DCDC1: variants seen among roughly 807,000 people sequenced by gnomAD.
DCDC1 encodes the protein doublecortin domain-containing protein 1.
Under a neutral mutation model 178.3 loss-of-function variants are expected in DCDC1, and 200 were observed. That is an observed-to-expected ratio of 1.12 (90% CI 1.00 to 1.26). The LOEUF (loss-of-function observed/expected upper bound fraction) is 1.26. DCDC1 is among the 50% of genes most tolerant of loss of function. The pLI is 0.00. For synonymous variants in DCDC1, 690 were observed against 604.8 expected (o/e 1.14, Z -2.07); for missense variants, 1,983 against 1,749.2 (o/e 1.13, Z -2.38).
intron 6 of DCDC1, among the ~76,000 whole-genome samples, chr11:31,294,798 A>AAAATAAAGAAAG (rs1555168148): frequency 6.6e-4 from 83 of 125,316 alleles, no homozygotes; most frequent in Admixed American, 2.1e-3. Context: ...AAAATAAAGA[A>AAAATAAAGAAAG]AAAGAAAGAA....
intron 20 of DCDC1, among the ~76,000 whole-genome samples, chr11:31,039,134 C>T (rs1336084749): frequency 6.6e-6 from 1 of 151,554 alleles, no homozygotes; most frequent in Admixed American, 6.6e-5. Flanking sequence ...ATTATTTTAC[C>T]CTCATTAAAC....
intron 8 of DCDC1, among the ~76,000 whole-genome samples, chr11:31,247,539 C>T (rs1943653480): frequency 6.6e-6 from 1 of 151,766 alleles, no homozygotes; most frequent in Non-Finnish European, 1.5e-5. Flanking sequence ...CAGGGCTGGC[C>T]TTGTAACAGC....
intron 11 of DCDC1, among the ~76,000 whole-genome samples, chr11:31,124,255 T>C (rs1038230198): frequency 5.9e-5 from 9 of 152,186 alleles, no homozygotes; most frequent in African/African-American, 2.2e-4. Flanking sequence ...ATCGAAGGGA[T>C]TTTCTGCATC....
chr11:31,054,811 C>T (rs905529577), intron 20 of DCDC1, among the ~76,000 whole-genome samples: 2 of 152,202 alleles, frequency 1.3e-5, no homozygotes, highest in African/African-American at 4.8e-5. Context: ...GGATCCTTAT[C>T]TCTCATCTTA....
At chr11:31,187,170 G>A (rs1969600985) in intron 9 of DCDC1, among the ~76,000 whole-genome samples, 1 of 152,094 alleles carries the variant, frequency 6.6e-6, no homozygotes, top group African/African-American at 2.4e-5. Context: ...TGTTCACTAG[G>A]GCTGTGAACA....
At chr11:31,042,588 G>GT (rs35169737) in intron 20 of DCDC1, among the ~76,000 whole-genome samples, 71 of 148,812 alleles carry the variant, frequency 4.8e-4, no homozygotes, top group Middle Eastern at 3.5e-3. Flanking sequence ...GTTTGTTGTT[G>GT]TTTTTTTTTT....
intron 16 of DCDC1, among the ~76,000 whole-genome samples, chr11:31,093,594 A>C (rs1957948121): frequency 6.6e-6 from 1 of 152,214 alleles, no homozygotes; most frequent in Non-Finnish European, 1.5e-5. Context: ...AAAATGTGTT[A>C]GGCACTGCTC....
At chr11:30,913,591 T>A (rs1945613216) in intron 27 of DCDC1, among the ~76,000 whole-genome samples, 1 of 152,098 alleles carries the variant, frequency 6.6e-6, no homozygotes, top group East Asian at 1.9e-4. Flanking sequence ...TAACTGCCTC[T>A]CTTTTCCGTG....
intron 20 of DCDC1, among the ~76,000 whole-genome samples, chr11:30,978,822 ACACACC>A (rs1212891481): frequency 7.1e-4 from 86 of 120,556 alleles, no homozygotes; most frequent in African/African-American, 2.2e-3. Context: ...ACACACACAC[ACACACC>A]CCCTTCTCAG....
chr11:30,939,173 C>T (rs183136905), intron 21 of DCDC1, among the ~76,000 whole-genome samples: 16 of 152,276 alleles, frequency 1.1e-4, no homozygotes, highest in Admixed American at 5.9e-4. Context: ...GCCTGGTTGC[C>T]GCAGGGCTTG....
chr11:31,353,477 G>A (rs1225091605), intron 1 of DCDC1, among the ~76,000 whole-genome samples: 1 of 152,186 alleles, frequency 6.6e-6, no homozygotes, highest in Non-Finnish European at 1.5e-5. Flanking sequence ...CATGGAGACA[G>A]TAAACACAAA....
chr11:31,149,218 T>A (rs1964852216), intron 9 of DCDC1, among the ~76,000 whole-genome samples: 1 of 152,180 alleles, frequency 6.6e-6, no homozygotes, highest in Non-Finnish European at 1.5e-5. Flanking sequence ...TGACTTCTTT[T>A]CCTTTGGGTA....
intron 2 of DCDC1, among the ~76,000 whole-genome samples, chr11:31,330,804 T>C (rs1213672479): frequency 2.0e-5 from 3 of 152,220 alleles, no homozygotes; most frequent in African/African-American, 4.8e-5. Context: ...ACTGTAGCCT[T>C]GTAGTATAGT....
intron 1 of DCDC1, among the ~76,000 whole-genome samples, chr11:31,357,463 A>G (rs1221905746): frequency 9.2e-5 from 14 of 151,984 alleles, no homozygotes. Context: ...TATCTATGAC[A>G]AACCCACAGC....
At chr11:31,134,725 T>C (rs1962907812) in intron 10 of DCDC1, among the ~76,000 whole-genome samples, 1 of 152,260 alleles carries the variant, frequency 6.6e-6, no homozygotes, top group South Asian at 2.1e-4. Flanking sequence ...CTGGGCATAG[T>C]AGCTCACCTC....
intron 9 of DCDC1, among the ~76,000 whole-genome samples, chr11:31,139,035 G>A (rs1490030995): frequency 2.6e-5 from 4 of 151,818 alleles, no homozygotes; most frequent in African/African-American, 9.7e-5. Flanking sequence ...TATGGGGGTG[G>A]GGGGAGAATA....
chr11:31,110,234 C>A, intron 12 of DCDC1, 26 bp downstream of exon 12: 1 of 690,516 alleles, frequency 1.4e-6, no homozygotes, highest in South Asian at 1.5e-5. Flanking sequence ...CACTTAAAGT[C>A]ATAAGTAAAC....
At chr11:31,182,384 C>T (rs1968922680) in intron 9 of DCDC1, among the ~76,000 whole-genome samples, 1 of 152,206 alleles carries the variant, frequency 6.6e-6, no homozygotes, top group Non-Finnish European at 1.5e-5. Flanking sequence ...GATCTCTCTG[C>T]AGAAACCCTA....
intron 9 of DCDC1, among the ~76,000 whole-genome samples, chr11:31,185,702 C>G (rs1239835782): frequency 6.6e-6 from 1 of 152,124 alleles, no homozygotes; most frequent in Non-Finnish European, 1.5e-5. Flanking sequence ...TATCCCACAC[C>G]AAGTTTTGTT....
Sources: gnomAD v4.1 joint callset for allele counts (sites outside exome capture counted in the v4.1 genomes callset) on GRCh38, gnomAD v4.1.1 for gene constraint, MANE v1.5 for transcripts, NCBI Gene and HGNC (gene_info 2026-07-23, HGNC 2026-07-21) for gene names.